The following BICC1 variants were observed in gnomAD, a reference collection of about 807,000 sequenced individuals.
The protein encoded by BICC1 is BicC family RNA binding protein 1.
In BICC1, 43 loss-of-function variants were observed where a neutral mutation model predicts 111.0. That is an observed-to-expected ratio of 0.39 (90% CI 0.30 to 0.50). The LOEUF (loss-of-function observed/expected upper bound fraction) is 0.50. BICC1 is among the 20% of genes least tolerant of loss of function. The probability of loss-of-function intolerance (pLI) is 0.88; values close to 1 mark genes in which losing one functional copy is unlikely to be tolerated. For missense variants in BICC1, 1,091 were observed against 1,203.2 expected (o/e 0.91, Z 1.38); for synonymous variants, 467 against 434.4 (o/e 1.07, Z -0.93).
Position 58,796,489 on chromosome 10 carries a change from T to C in BICC1, c.1329T>C (p.Asp443=). The part of the protein sequence containing the change: ...CPAGLACPSL[D]ILASAGLGLT... ...CCGGCCTGGCATGTCCCAGCCTGGA[T>C]ATCTTAGCTTCAGCAGGCCTTGGAC... The change falls in exon 10 of 21, where the codon GAT becomes GAC. Residue 443 remains aspartate (D), a synonymous_variant. Coordinates refer to ENST00000373886, the MANE Select transcript of BICC1 (RefSeq NM_001080512.3). 6.2e-7 allele frequency: 1 copy of C among 1,614,068 alleles called. No homozygotes were observed. Among genetic ancestry groups the C allele is most frequent in the Non-Finnish European group, 8.5e-7 (1 of 1,179,962 alleles).
intron 1 of BICC1, among the ~76,000 whole-genome samples, chr10:58,520,507 T>A (rs929606779): frequency 6.6e-6 from 1 of 152,156 alleles, no homozygotes; most frequent in East Asian, 1.9e-4. Context: ...ATGTTTGTAT[T>A]TGTAACAAGT....
intron 3 of BICC1, among the ~76,000 whole-genome samples, chr10:58,735,355 C>T (rs1589079411): frequency 6.6e-6 from 1 of 152,156 alleles, no homozygotes; most frequent in African/African-American, 2.4e-5. Context: ...CCTTCCACTG[C>T]GACATGCTGC....
At chr10:58,603,115 A>T (rs1392288906) in intron 1 of BICC1, among the ~76,000 whole-genome samples, 1 of 152,192 alleles carries the variant, frequency 6.6e-6, no homozygotes, top group Non-Finnish European at 1.5e-5. Context: ...TTTCACCTTG[A>T]AAAACAGCTC....
At chr10:58,517,688 G>GCTA (rs1316521833) in intron 1 of BICC1, among the ~76,000 whole-genome samples, 1 of 152,174 alleles carries the variant, frequency 6.6e-6, no homozygotes, top group Non-Finnish European at 1.5e-5. Flanking sequence ...GAATCTTGAT[G>GCTA]CTACATTTTA....
chr10:58,596,606 G>A (rs1413248452), intron 1 of BICC1, among the ~76,000 whole-genome samples: 1 of 152,152 alleles, frequency 6.6e-6, no homozygotes, highest in Admixed American at 6.5e-5. Flanking sequence ...AGGAAGAGAG[G>A]AAGTCAAATT....
At chr10:58,682,769 T>G (rs1177643623) in intron 2 of BICC1, among the ~76,000 whole-genome samples, 1 of 152,232 alleles carries the variant, frequency 6.6e-6, no homozygotes, top group Non-Finnish European at 1.5e-5. Flanking sequence ...TCTTTGTAGA[T>G]TCTGGATATT....
intron 1 of BICC1, among the ~76,000 whole-genome samples, chr10:58,547,117 TA>T (rs1445852601): frequency 2.1e-4 from 32 of 152,198 alleles, no homozygotes; most frequent in Non-Finnish European, 2.9e-5. Context: ...CATCTTATAT[TA>T]ATTAATGAGC....
chr10:58,820,368 G>C lies in BICC1; in HGVS notation c.2695-1G>C. ...TTATAGATTGACCTTTCTACCCACAGATCGATCTTCAGACATTCCTCACTC... is the reference window on the plus strand; with the variant it reads ...TTATAGATTGACCTTTCTACCCACACATCGATCTTCAGACATTCCTCACTC... On this transcript the variant is annotated splice_acceptor_variant, in intron 19 of 20. Transcript: ENST00000373886. LOFTEE classifies it high-confidence loss of function. 6.2e-7 allele frequency: 1 copy of C among 1,607,458 alleles called. No individual in the cohort carries two copies. The highest frequency in any genetic ancestry group is 8.5e-7 in the Non-Finnish European group (1 of 1,174,566).
chr10:58,620,048 A>G (rs181482182), intron 1 of BICC1, among the ~76,000 whole-genome samples: 22 of 152,302 alleles, frequency 1.4e-4, no homozygotes, highest in African/African-American at 3.8e-4. Context: ...CCTGAGTCAG[A>G]GTCCTGTTTG....
At position 58,593,964 on chromosome 10, in the gene BICC1, G is replaced by A. The variant is rs185786638; in HGVS notation, c.191-26891G>A. On this transcript the variant is annotated intron_variant, in intron 1 of 20. Transcript: ENST00000373886. ...GCATGTTCTAACCCAATGCAGGGAA[G>A]CTAAGAACCTTTAAAAAAGGTGAGA... Among the ~76,000 whole-genome samples, 4 of 152,028 alleles carry A rather than the reference G, an allele frequency of 2.6e-5. No individual in the cohort carries two copies. The East Asian group carries it at 7.8e-4, about 30-fold the overall frequency.
intron 3 of BICC1, among the ~76,000 whole-genome samples, chr10:58,705,012 G>A (rs1012028826): frequency 6.6e-6 from 1 of 152,202 alleles, no homozygotes; most frequent in African/African-American, 2.4e-5. Flanking sequence ...ATCGAGAGCA[G>A]CTGTGTGAGT....
At chr10:58,717,850 G>A (rs534220847) in intron 3 of BICC1, among the ~76,000 whole-genome samples, 2 of 152,194 alleles carry the variant, frequency 1.3e-5, no homozygotes, top group East Asian at 3.9e-4. Flanking sequence ...CTAGGCAGGG[G>A]CTGGATTCTG....
intron 1 of BICC1, among the ~76,000 whole-genome samples, chr10:58,535,472 G>T (rs1410965752): frequency 6.6e-6 from 1 of 151,646 alleles, no homozygotes; most frequent in Non-Finnish European, 1.5e-5. Flanking sequence ...TTTGTATCCA[G>T]CAAAACTAAG....
intron 2 of BICC1, among the ~76,000 whole-genome samples, chr10:58,657,022 G>A (rs10763571): frequency 0.99 from 149,921 of 152,180 alleles, 73,885 homozygotes; most frequent in East Asian, 1. Flanking sequence ...TACCTTCTGC[G>A]CTAGCCTCCC....
intron 1 of BICC1, among the ~76,000 whole-genome samples, chr10:58,616,220 G>C (rs977070007): frequency 1.3e-5 from 2 of 152,162 alleles, no homozygotes; most frequent in Non-Finnish European, 2.9e-5. Flanking sequence ...GAGACCGAGG[G>C]GTCTGCTCCA....
chr10:58,820,667 T>C (rs549150548), intron 20 of BICC1, among the ~76,000 whole-genome samples, 199 bp downstream of exon 20: 55 of 152,250 alleles, frequency 3.6e-4, no homozygotes, highest in African/African-American at 1.1e-3. Context: ...CCTGAAAACC[T>C]GCCTTAACAA....
chr10:58,520,474 A>G (rs1842359843), intron 1 of BICC1, among the ~76,000 whole-genome samples: 1 of 152,142 alleles, frequency 6.6e-6, no homozygotes, highest in Non-Finnish European at 1.5e-5. Flanking sequence ...CTATCAGGCT[A>G]CTAATAGCTG....
At position 58,598,021 on chromosome 10, in the gene BICC1, A is replaced by G. The variant is rs1019396121; in HGVS notation, c.191-22834A>G. 3.3e-5 allele frequency among the ~76,000 whole-genome samples: 5 copies of G among 152,164 alleles called. No individual in the cohort carries two copies. The East Asian group carries it at 9.6e-4, about 29-fold the overall frequency. ...TCAGCATATGAAGATAACAGGATTA[A>G]GAGATTAAAGACAGCCATAAGAATT... On this transcript the variant is annotated intron_variant, in intron 1 of 20. Coordinates refer to ENST00000373886, the MANE Select transcript of BICC1 (RefSeq NM_001080512.3).
intron 1 of BICC1, among the ~76,000 whole-genome samples, chr10:58,530,791 T>A (rs540839440): frequency 1.5e-4 from 23 of 151,810 alleles, no homozygotes; most frequent in Non-Finnish European, 2.8e-4. Flanking sequence ...TGTAAATTCT[T>A]CATGTAGAGA....
Sources: gnomAD v4.1 joint callset for allele counts (sites outside exome capture counted in the v4.1 genomes callset) on GRCh38, gnomAD v4.1.1 for gene constraint, MANE v1.5 for transcripts, NCBI Gene and HGNC (gene_info 2026-07-23, HGNC 2026-07-21) for gene names.